MMD: variants seen among roughly 807,000 people sequenced by gnomAD.
MMD encodes monocyte to macrophage differentiation factor.
Under a neutral mutation model 33.6 loss-of-function variants are expected in MMD, and 22 were observed. The ratio of observed to expected loss-of-function variants is 0.66; its 90% CI spans 0.47 to 0.94. The LOEUF is 0.94. Ranked by LOEUF, MMD falls within the 40% of genes least tolerant of loss-of-function variation. MMD has a pLI of 0.00. For missense variants in MMD, 242 were observed against 309.8 expected (o/e 0.78, Z 1.64); for synonymous variants, 97 against 103.2 (o/e 0.94, Z 0.36).
At chr17:55,411,447 A>G in intron 2 of MMD, 30 bp from the exon 3 acceptor site, 1 of 1,591,448 alleles carries the variant, frequency 6.3e-7, no homozygotes, top group East Asian at 2.2e-5. Flanking sequence ...TGGTGAATGG[A>G]ATATTCTGGC....
At chr17:55,409,265 G>A (rs1358473997) in intron 3 of MMD, among the ~76,000 whole-genome samples, 2 of 152,356 alleles carry the variant, frequency 1.3e-5, no homozygotes, top group East Asian at 3.9e-4. Context: ...ATGGCCTCCA[G>A]TTCAGAAGAT....
intron 2 of MMD, 91 bp from the exon 3 acceptor site, chr17:55,411,508 A>G: frequency 7.3e-7 from 1 of 1,360,886 alleles, no homozygotes; most frequent in East Asian, 2.5e-5. Flanking sequence ...ACCAGGAACA[A>G]TTTTAGTAAA....
chr17:55,413,456 GACACACATATAC>G (rs1263003761), intron 2 of MMD, among the ~76,000 whole-genome samples: 3 of 151,818 alleles, frequency 2.0e-5, no homozygotes, highest in East Asian at 1.9e-4. Context: ...CCAACACAGA[GACACACATATAC>G]ACACACACAT....
chr17:55,407,877 G>T, intron 3 of MMD, 57 bp from the exon 4 acceptor site: 2 of 1,233,666 alleles, frequency 1.6e-6, no homozygotes, highest in Non-Finnish European at 2.3e-6. Context: ...GGGAAGTACG[G>T]GTTATCACTC....
At chr17:55,418,328 A>G (rs1289729631) in intron 1 of MMD, among the ~76,000 whole-genome samples, 1 of 152,238 alleles carries the variant, frequency 6.6e-6, no homozygotes, top group Non-Finnish European at 1.5e-5. Flanking sequence ...ACTGAAGTAC[A>G]ATGCCCAGCT....
Position 55,411,295 on chromosome 17 carries a change from T to C in MMD, c.231A>G (p.Thr77=), listed in dbSNP as rs556334779. Residue 77 remains threonine (T), a synonymous_variant, in exon 3 of 7, where the codon ACA becomes ACG. Coordinates refer to ENST00000262065, the MANE Select transcript of MMD (RefSeq NM_012329.3). The part of the protein sequence containing the change: ...MGLCALFIVS[T]VFHIVSWKKS... The stretch of plus-strand genomic sequence containing the variant: ...TTTTCCATGATACAATGTGAAATAC[T>C]GTAGAAACGATGAAGAGGGCACAGA... 12 of 1,614,054 alleles carry C rather than the reference T, an allele frequency of 7.4e-6. No homozygotes were observed. In the Admixed American group the frequency reaches 1.7e-4, roughly 22 times the overall value.
intron 1 of MMD, among the ~76,000 whole-genome samples, chr17:55,419,276 A>T (rs997254563): frequency 1.3e-5 from 2 of 152,250 alleles, no homozygotes; most frequent in Non-Finnish European, 2.9e-5. Flanking sequence ...TCAATCAGAG[A>T]TGCTATGAAG....
intron 2 of MMD, among the ~76,000 whole-genome samples, chr17:55,413,479 A>T (rs564288458): frequency 6.6e-6 from 1 of 152,294 alleles, no homozygotes; most frequent in South Asian, 2.1e-4. Context: ...ACACACACAT[A>T]CACACAAACA....
intron 4 of MMD, 81 bp from the exon 5 acceptor site, chr17:55,403,949 A>G (rs1907443238): frequency 8.9e-7 from 1 of 1,123,176 alleles, no homozygotes; most frequent in African/African-American, 1.6e-5. Context: ...GAAAACTGAG[A>G]AAGTCTTAGG....
At chr17:55,416,812 ACTCAATGCTT>A (rs1407508030) in intron 1 of MMD, among the ~76,000 whole-genome samples, 2 of 152,186 alleles carry the variant, frequency 1.3e-5, no homozygotes, top group Non-Finnish European at 2.9e-5. Flanking sequence ...CCTAATGGTT[ACTCAATGCTT>A]GAGTAACCAA....
At chr17:55,414,318 T>C in intron 1 of MMD, 86 bp from the exon 2 acceptor site, 1 of 1,259,164 alleles carries the variant, frequency 7.9e-7, no homozygotes, top group Non-Finnish European at 1.2e-6. Context: ...ATGTGGTCTA[T>C]TCTACGCAAA....
intron 3 of MMD, among the ~76,000 whole-genome samples, 193 bp downstream of exon 3, chr17:55,411,064 T>G (rs1055096631): frequency 2.6e-5 from 4 of 152,242 alleles, no homozygotes; most frequent in Non-Finnish European, 5.9e-5. Flanking sequence ...CTTAGATGCC[T>G]GCTGGGGAGG....
intron 4 of MMD, among the ~76,000 whole-genome samples, chr17:55,406,221 C>A (rs189431971): frequency 2.6e-5 from 4 of 151,978 alleles, no homozygotes; most frequent in Non-Finnish European, 4.4e-5. Context: ...ATGGCGAAAC[C>A]TCGTCTCTAC....
chr17:55,406,432 G>T (rs1173860351), intron 4 of MMD, among the ~76,000 whole-genome samples: 1 of 151,892 alleles, frequency 6.6e-6, no homozygotes, highest in Non-Finnish European at 1.5e-5. Flanking sequence ...GTGGTGGCAG[G>T]CACCTATAAT....
At chr17:55,407,652 C>A (rs1169463281) in intron 4 of MMD, 94 bp downstream of exon 4, 12 of 1,141,864 alleles carry the variant, frequency 1.1e-5, no homozygotes, top group Non-Finnish European at 1.4e-5. Context: ...CACATGAGGG[C>A]TGAGGGTGGG....
rs531917539 is a variant in MMD at position 55,404,565 on chromosome 17, C to T, written c.345-697G>A. 31 of 985,226 alleles carry T rather than the reference C, an allele frequency of 3.1e-5. No homozygotes were observed. In the East Asian group the frequency reaches 5.7e-4, roughly 18 times the overall value. The allele number at this position is 985,226 out of a possible 1,614,324, so 61.0% of individuals were successfully genotyped here. A position where few individuals can be genotyped will look rare whatever the true frequency, so the allele number is the denominator to read the frequency against. On this transcript the variant is annotated intron_variant, in intron 4 of 6. Coordinates refer to ENST00000262065, the MANE Select transcript of MMD (RefSeq NM_012329.3). The stretch of plus-strand genomic sequence containing the variant: ...AGAAGAACCTGGAACAAAATTTTGA[C>T]GCAGGATCAGATACCCACAGTGGAT...
At chr17:55,403,964 G>T in intron 4 of MMD, 96 bp from the exon 5 acceptor site, 1 of 991,522 alleles carries the variant, frequency 1.0e-6, no homozygotes, top group Non-Finnish European at 1.5e-6. Context: ...CTTAGGATAA[G>T]AGCAGGAAGA....
intron 1 of MMD, among the ~76,000 whole-genome samples, chr17:55,417,372 G>A (rs975797821): frequency 4.7e-4 from 72 of 152,080 alleles, no homozygotes; most frequent in African/African-American, 1.7e-3. Flanking sequence ...CCAGCTCCGC[G>A]TCTCCTACCT....
At chr17:55,421,278 G>C (rs1396613641) in intron 1 of MMD, among the ~76,000 whole-genome samples, 2 of 152,268 alleles carry the variant, frequency 1.3e-5, no homozygotes, top group Non-Finnish European at 2.9e-5. Context: ...GCCAAAGCCA[G>C]GTCGGAGGAC....
Sources: gnomAD v4.1 joint callset for allele counts (sites outside exome capture counted in the v4.1 genomes callset) on GRCh38, gnomAD v4.1.1 for gene constraint, MANE v1.5 for transcripts, NCBI Gene and HGNC (gene_info 2026-07-23, HGNC 2026-07-21) for gene names.